The following DLGAP1 variants were observed in gnomAD, a reference collection of about 807,000 sequenced individuals.
The protein encoded by DLGAP1 is DLG associated protein 1.
Under a neutral mutation model 90.8 loss-of-function variants are expected in DLGAP1, and 11 were observed. The ratio of observed to expected loss-of-function variants is 0.12; its 90% confidence interval spans 0.08 to 0.20. The LOEUF (loss-of-function observed/expected upper bound fraction) is 0.20, where lower values mean the gene tolerates loss of function less well. Ranked by LOEUF, DLGAP1 falls within the 10% of genes least tolerant of loss-of-function variation. The probability of loss-of-function intolerance (pLI) is 1.00; values close to 1 mark genes in which losing one functional copy is unlikely to be tolerated. For synonymous variants in DLGAP1, 558 were observed against 540.7 expected, an observed-to-expected ratio of 1.03 and a Z score of -0.44; for missense variants, 1,050 against 1,333.8, an observed-to-expected ratio of 0.79 and a Z score of 3.31.
In DLGAP1 at chr18:3,581,960, G is replaced by T. The variant is rs1335419842; in HGVS notation, c.1880C>A (p.Thr627Asn). 6.2e-7 allele frequency: 1 copy of T among 1,613,938 alleles called. No homozygotes were observed. The highest frequency in any genetic ancestry group is 2.2e-5 in the East Asian group (1 of 44,886). Residue 627 changes from threonine to asparagine, a missense_variant, in exon 8 of 13, where the codon ACC becomes AAC. Thr to Asn is a moderately conservative substitution (Grantham distance 65). Around this residue, in one of 2 missense-constraint regions of DLGAP1, gnomAD observed 565 missense variants for 879.7 expected, o/e 0.64. Transcript: ENST00000315677. ...GGTGACGGTGGCTATGGTAGTCGTG[G>T]TGGTGACGGTGGCAGTGTTATTGCC... is the stretch of plus-strand genomic sequence containing the variant. The part of the protein sequence containing the change: ...HMGNNTATVT[T>N]TTTIATVTTE...
intron 7 of DLGAP1, among the ~76,000 whole-genome samples, chr18:3,674,294 A>ATATATATATATATATAT (rs1555623961): frequency 1.2e-3 from 51 of 42,280 alleles, no homozygotes; most frequent in African/African-American, 2.6e-3. Flanking sequence ...CTATAATATT[A>ATATATATATATATATAT]AAATATATAT....
intron 1 of DLGAP1, among the ~76,000 whole-genome samples, chr18:4,386,871 AAGAT>A (rs2082239342): frequency 6.6e-6 from 1 of 152,208 alleles, no homozygotes; most frequent in African/African-American, 2.4e-5. Context: ...CAAAGAAAGA[AAGAT>A]AGGAGAGCAT....
At chr18:3,596,994 C>G (rs749210986) in intron 7 of DLGAP1, 11 of 520,016 alleles carry the variant, frequency 2.1e-5, no homozygotes, top group Non-Finnish European at 2.7e-5. Flanking sequence ...TGGCCTCCCC[C>G]ACAGGCTCTC....
intron 1 of DLGAP1, among the ~76,000 whole-genome samples, chr18:4,327,009 T>A (rs895395321): frequency 6.6e-6 from 1 of 152,066 alleles, no homozygotes. Context: ...AAAGTCACAT[T>A]TATAGAAATA....
intron 5 of DLGAP1, among the ~76,000 whole-genome samples, chr18:3,780,250 T>G (rs1311140862): frequency 1.3e-5 from 2 of 152,268 alleles, no homozygotes; most frequent in African/African-American, 4.8e-5. Context: ...CATGTATCTG[T>G]ATTTATTCCT....
intron 7 of DLGAP1, among the ~76,000 whole-genome samples, chr18:3,631,049 C>T (rs1400837341): frequency 2.0e-5 from 3 of 151,922 alleles, no homozygotes; most frequent in Non-Finnish European, 2.9e-5. Context: ...GGTGCAATTT[C>T]GGCTCATTGC....
chr18:4,186,061 T>C (rs1376494469), intron 1 of DLGAP1, among the ~76,000 whole-genome samples: 5 of 150,076 alleles, frequency 3.3e-5, no homozygotes, highest in South Asian at 2.1e-4. Context: ...CATCTGCTTA[T>C]TGGCCTCATG....
At chr18:3,579,696 T>G (rs1324943137) in intron 8 of DLGAP1, among the ~76,000 whole-genome samples, 1 of 152,180 alleles carries the variant, frequency 6.6e-6, no homozygotes, top group Non-Finnish European at 1.5e-5. Flanking sequence ...GCTAAACAGA[T>G]GTAAAAGAAA....
intron 4 of DLGAP1, among the ~76,000 whole-genome samples, chr18:3,849,228 T>C (rs571187769): frequency 2.6e-5 from 4 of 152,328 alleles, no homozygotes; most frequent in East Asian, 1.9e-4. Flanking sequence ...CTGTAGGTAT[T>C]GAGCCAAGTG....
Position 4,297,243 on chromosome 18 carries a change from C to A in DLGAP1, c.-266-145956G>T, listed in dbSNP as rs142543969. ...ATCAAGGTAAGATGCCAAGAAGGGGCAGAGAAGGGAGTCCCATAAAGGTGA... is the reference window on the plus strand; with the variant it reads ...ATCAAGGTAAGATGCCAAGAAGGGGAAGAGAAGGGAGTCCCATAAAGGTGA... On this transcript the variant is annotated intron_variant, in intron 1 of 12. Coordinates refer to ENST00000315677, the MANE Select transcript of DLGAP1 (RefSeq NM_004746.4). Among the ~76,000 whole-genome samples, 10 of 152,050 alleles carry A rather than the reference C, an allele frequency of 6.6e-5. No homozygotes were observed. The East Asian group carries it at 1.7e-3, about 27-fold the overall frequency.
chr18:3,745,330 G>C (rs2063222706), intron 5 of DLGAP1, among the ~76,000 whole-genome samples: 2 of 152,174 alleles, frequency 1.3e-5, no homozygotes, highest in Non-Finnish European at 2.9e-5. Context: ...ACTTGAAAAT[G>C]GTGAATTATA....
intron 5 of DLGAP1, chr18:3,771,453 G>C (rs531630230): frequency 1.3e-5 from 2 of 152,370 alleles, no homozygotes; most frequent in African/African-American, 2.4e-5. Flanking sequence ...GTGTTTCCCC[G>C]GAGACGCGCT....
chr18:4,284,007 T>C, intron 1 of DLGAP1, among the ~76,000 whole-genome samples: 1 of 151,812 alleles, frequency 6.6e-6, no homozygotes, highest in East Asian at 1.9e-4. Flanking sequence ...CGTAAGAGCA[T>C]TAAATATCAA....
At chr18:3,520,174 C>T (rs1876145215) in intron 10 of DLGAP1, among the ~76,000 whole-genome samples, 1 of 152,120 alleles carries the variant, frequency 6.6e-6, no homozygotes, top group Admixed American at 6.5e-5. Flanking sequence ...TCTGCCCCCA[C>T]CCTAGTGTCT....
chr18:4,265,015 T>TC (rs2079075767), intron 1 of DLGAP1: 2 of 152,144 alleles, frequency 1.3e-5, no homozygotes, highest in South Asian at 4.1e-4. Flanking sequence ...CTTCTCAGGC[T>TC]CCCCTTCCTT....
At chr18:3,644,401 T>TTTTATTTATTTATTTATTTATTTATTTA (rs376019924) in intron 7 of DLGAP1, among the ~76,000 whole-genome samples, 12 of 150,682 alleles carry the variant, frequency 8.0e-5, no homozygotes, top group African/African-American at 3.0e-4. Flanking sequence ...TACTATTTTA[T>TTTTATTTATTTATTTATTTATTTATTTA]TTTATTTATT....
intron 2 of DLGAP1, among the ~76,000 whole-genome samples, chr18:4,022,250 A>T (rs2074623176): frequency 1.3e-5 from 2 of 151,906 alleles, no homozygotes; most frequent in Non-Finnish European, 2.9e-5. Context: ...GTCAATCCAC[A>T]GAATGCTTCT....
At chr18:3,737,983 G>A (rs2062730390) in intron 6 of DLGAP1, among the ~76,000 whole-genome samples, 1 of 150,410 alleles carries the variant, frequency 6.6e-6, no homozygotes, top group African/African-American at 2.5e-5. Context: ...ACCAACAACA[G>A]ACAAACAGAG....
At chr18:3,846,665 A>G (rs1035540404) in intron 4 of DLGAP1, among the ~76,000 whole-genome samples, 8 of 152,226 alleles carry the variant, frequency 5.3e-5, no homozygotes, top group Non-Finnish European at 1.5e-5. Flanking sequence ...AATCTTAAAA[A>G]TAGTATGATA....
Sources: allele counts gnomAD v4.1 joint callset (sites outside exome capture counted in the v4.1 genomes callset), GRCh38; gene constraint gnomAD v4.1.1; regional missense constraint gnomAD v4.1.1; transcripts MANE v1.5; gene names NCBI Gene and HGNC (gene_info 2026-07-23, HGNC 2026-07-21).